Variants in TIAM1 observed in about 807,000 individuals in gnomAD.
TIAM1 encodes TIAM Rac1 associated GEF 1.
A neutral mutation model predicts 163.5 loss-of-function variants in TIAM1; 65 were observed. The ratio of observed to expected loss-of-function variants is 0.40; its 90% confidence interval spans 0.33 to 0.49. The LOEUF (loss-of-function observed/expected upper bound fraction) is 0.49, where lower values mean the gene tolerates loss of function less well. TIAM1 is among the 20% of genes least tolerant of loss of function. The pLI is 0.77. For missense variants in TIAM1, 1,789 were observed against 2,044.7 expected (o/e 0.87, Z 2.41); for synonymous variants, 833 against 810.1 (o/e 1.03, Z -0.48).
At chr21:31,264,416 G>C (rs2072645853) in intron 4 of TIAM1, among the ~76,000 whole-genome samples, 1 of 152,130 alleles carries the variant, frequency 6.6e-6, no homozygotes, top group African/African-American at 2.4e-5. Context: ...AGCTAACAAA[G>C]TTGCCCTTAC....
intron 2 of TIAM1, among the ~76,000 whole-genome samples, chr21:31,324,581 T>A (rs979358903): frequency 6.6e-6 from 1 of 152,210 alleles, no homozygotes; most frequent in Non-Finnish European, 1.5e-5. Context: ...CCACACAGCC[T>A]GTAAGTGATG....
intron 1 of TIAM1, among the ~76,000 whole-genome samples, chr21:31,548,478 C>T (rs1436977484): frequency 2.0e-5 from 3 of 149,214 alleles, no homozygotes; most frequent in African/African-American, 7.4e-5. Flanking sequence ...TCAACCTTAA[C>T]CTTTTGTTGT....
intron 2 of TIAM1, among the ~76,000 whole-genome samples, chr21:31,299,076 T>C (rs2074405619): frequency 6.6e-6 from 1 of 152,280 alleles, no homozygotes; most frequent in Admixed American, 6.5e-5. Context: ...AACAAAAACA[T>C]CAGCAACCAC....
intron 1 of TIAM1, among the ~76,000 whole-genome samples, chr21:31,538,453 G>T (rs1264980748): frequency 6.6e-6 from 1 of 152,194 alleles, no homozygotes; most frequent in African/African-American, 2.4e-5. Context: ...TGAGATGGGA[G>T]AAGACCGTAT....
chr21:31,173,184 G>A (rs1230712954), intron 15 of TIAM1, among the ~76,000 whole-genome samples: 1 of 152,116 alleles, frequency 6.6e-6, no homozygotes, highest in East Asian at 1.9e-4. Flanking sequence ...TTCTGGCCTC[G>A]TGAGATGTCT....
At chr21:31,225,682 G>T in intron 7 of TIAM1, 44 bp downstream of exon 7, 4 of 1,461,092 alleles carry the variant, frequency 2.7e-6, no homozygotes, top group Non-Finnish European at 3.8e-6. Context: ...CCCTTTTAGA[G>T]ACCTAACAAT....
At chr21:31,479,245 C>A (rs1260923178) in intron 1 of TIAM1, among the ~76,000 whole-genome samples, 1 of 152,146 alleles carries the variant, frequency 6.6e-6, no homozygotes, top group Non-Finnish European at 1.5e-5. Context: ...GCCACTTCCC[C>A]TCTCTAGACA....
intron 26 of TIAM1, among the ~76,000 whole-genome samples, chr21:31,125,860 C>G (rs2082178049): frequency 1.3e-5 from 2 of 152,368 alleles, no homozygotes; most frequent in Admixed American, 1.3e-4. Flanking sequence ...CAGGCATGAG[C>G]CACCATGCCC....
chr21:31,296,788 A>C (rs748336922), intron 2 of TIAM1, among the ~76,000 whole-genome samples: 11 of 151,960 alleles, frequency 7.2e-5, no homozygotes, highest in Non-Finnish European at 1.5e-4. Context: ...CTCAGCCTCC[A>C]GAGTAGCTGG....
chr21:31,543,281 G>A (rs1020914044), intron 1 of TIAM1, among the ~76,000 whole-genome samples: 4 of 152,290 alleles, frequency 2.6e-5, no homozygotes, highest in South Asian at 4.1e-4. Flanking sequence ...TGGGCTTCTC[G>A]TCCCACAGCC....
At chr21:31,322,107 A>T (rs906909599) in intron 2 of TIAM1, among the ~76,000 whole-genome samples, 1 of 152,184 alleles carries the variant, frequency 6.6e-6, no homozygotes, top group Non-Finnish European at 1.5e-5. Flanking sequence ...GAAAGAAATC[A>T]TCTAAATAGG....
chr21:31,380,576 T>C lies in TIAM1; in HGVS notation c.-368-41154A>G, dbSNP rs111879565. On this transcript the variant is annotated intron_variant, in intron 2 of 28. Transcript: ENST00000286827. ...TAAAGTAATATAATATAAAGTAAAGTAAATATAAAAATAAAAAAATTATGG... is the reference window on the plus strand; with the variant it reads ...TAAAGTAATATAATATAAAGTAAAGCAAATATAAAAATAAAAAAATTATGG... 4.2e-3 allele frequency among the ~76,000 whole-genome samples: 643 copies of C among 151,978 alleles called. 7 individuals are homozygous for C. The highest frequency in any genetic ancestry group is 0.015 in the African/African-American group (618 of 41,470).
chr21:31,122,721 T>C (rs550783191), intron 27 of TIAM1, among the ~76,000 whole-genome samples: 2 of 152,334 alleles, frequency 1.3e-5, no homozygotes, highest in South Asian at 2.1e-4. Context: ...TTTACTATCC[T>C]AGCCAAACAG....
At chr21:31,184,763 A>T (rs1004709845) in intron 14 of TIAM1, among the ~76,000 whole-genome samples, 18 of 152,154 alleles carry the variant, frequency 1.2e-4, no homozygotes, top group African/African-American at 4.3e-4. Context: ...ACTGGGTCAA[A>T]CTCTGGCCCC....
At chr21:31,549,679 GAT>G (rs2048617401) in intron 1 of TIAM1, among the ~76,000 whole-genome samples, 1 of 152,188 alleles carries the variant, frequency 6.6e-6, no homozygotes, top group Admixed American at 6.5e-5. Flanking sequence ...TGTTGACAAA[GAT>G]GTGGGAAAAT....
intron 1 of TIAM1, among the ~76,000 whole-genome samples, chr21:31,489,381 G>C (rs1197522209): frequency 1.1e-5 from 1 of 92,286 alleles, no homozygotes; most frequent in African/African-American, 4.5e-5. Context: ...AGGAGGAGGA[G>C]GAGGAGGAGA....
intron 1 of TIAM1, among the ~76,000 whole-genome samples, chr21:31,340,660 C>T (rs1244308567): frequency 6.6e-6 from 1 of 152,114 alleles, no homozygotes; most frequent in African/African-American, 2.4e-5. Context: ...CCGCCATGAC[C>T]AGCTTCCAAG....
intron 4 of TIAM1, among the ~76,000 whole-genome samples, chr21:31,253,175 T>C (rs1046063239): frequency 6.6e-6 from 1 of 152,230 alleles, no homozygotes; most frequent in Non-Finnish European, 1.5e-5. Context: ...CACTGCAGTA[T>C]TGGACAGACA....
rs1361857916 is a variant in TIAM1, at chr21:31,473,323, G to T, written c.-421-9288C>A. Reference sequence around the variant, plus strand: ...CGGGTGCCTGTAGTCCCAGCTACTCGGGAGGCTGAGGCAGGAGAATAGCGT... The same window carrying T: ...CGGGTGCCTGTAGTCCCAGCTACTCTGGAGGCTGAGGCAGGAGAATAGCGT... On this transcript the variant is annotated intron_variant, in intron 1 of 28. Coordinates refer to the TIAM1 transcript ENST00000286827. Among the ~76,000 whole-genome samples the T allele has an allele frequency of 2.0e-5, 3 of 151,276 alleles. No homozygotes were observed. The East Asian group carries it at 6.0e-4, about 30-fold the overall frequency.
Sources: gnomAD v4.1 joint callset for allele counts (sites outside exome capture counted in the v4.1 genomes callset) on GRCh38, gnomAD v4.1.1 for gene constraint, MANE v1.5 for transcripts, NCBI Gene and HGNC (gene_info 2026-07-23, HGNC 2026-07-21) for gene names.